The following SOD2 variants were observed in gnomAD, a reference collection of about 807,000 sequenced individuals.
SOD2 encodes superoxide dismutase [Mn], mitochondrial.
Under a neutral mutation model 27.0 loss-of-function variants are expected in SOD2, and 11 were observed. That is an observed-to-expected ratio of 0.41 (90% CI 0.26 to 0.67). The LOEUF (loss-of-function observed/expected upper bound fraction) is 0.67, where lower values mean the gene tolerates loss of function less well. Ranked by LOEUF, SOD2 falls within the 30% of genes least tolerant of loss-of-function variation. SOD2 has a pLI of 0.34. For missense variants in SOD2, 250 were observed against 274.5 expected (o/e 0.91, Z 0.63); for synonymous variants, 105 against 103.0 (o/e 1.02, Z -0.12).
intron 1 of SOD2, among the ~76,000 whole-genome samples, chr6:159,725,196 G>A (rs577105329): frequency 3.3e-5 from 5 of 152,206 alleles, no homozygotes; most frequent in African/African-American, 1.2e-4. Context: ...AAGCTCAGAG[G>A]GGCCAGTGGT....
intron 1 of SOD2, among the ~76,000 whole-genome samples, chr6:159,699,071 C>G (rs1337882445): frequency 6.6e-6 from 1 of 151,976 alleles, no homozygotes; most frequent in Admixed American, 6.6e-5. Flanking sequence ...GCTGCCACTC[C>G]CTCTCCCACA....
At chr6:159,751,298 A>ATTT (rs1392883296) in intron 1 of SOD2, among the ~76,000 whole-genome samples, 2 of 152,174 alleles carry the variant, frequency 1.3e-5, no homozygotes, top group African/African-American at 4.8e-5. Flanking sequence ...AATTTGTGAC[A>ATTT]TTTTTATATG....
intron 1 of SOD2, among the ~76,000 whole-genome samples, chr6:159,701,693 C>G (rs750223595): frequency 7.9e-5 from 12 of 152,114 alleles, no homozygotes; most frequent in Non-Finnish European, 1.3e-4. Flanking sequence ...ATGATCTCAT[C>G]CATGAGTCAT....
In SOD2 at chr6:159,681,786, G is replaced by A. The variant is rs1562415397; in HGVS notation, c.*707C>T. The A allele has an allele frequency of 1.3e-5, 2 of 152,006 alleles. No homozygotes were observed. The highest frequency in any genetic ancestry group is 4.1e-4 in the South Asian group (2 of 4,822). 9.4% of individuals were successfully genotyped at this position (152,006 alleles called of 1,614,324 possible). A position where few individuals can be genotyped will look rare whatever the true frequency, so the allele number is the denominator to read the frequency against. Reference sequence around the variant, plus strand: ...ACTCTAGCTTGTAGGTCATCATGGAGATTGGGTCTCAAGCATGAGCTGCCC... The same window carrying A: ...ACTCTAGCTTGTAGGTCATCATGGAAATTGGGTCTCAAGCATGAGCTGCCC... On this transcript the variant is annotated 3_prime_UTR_variant, in exon 5 of 5. Transcript: ENST00000538183.
chr6:159,728,856 A>G (rs1266196490), upstream of SOD2, among the ~76,000 whole-genome samples: 1 of 152,184 alleles, frequency 6.6e-6, no homozygotes, highest in Non-Finnish European at 1.5e-5. Flanking sequence ...ACATGGTTTA[A>G]AAGTTCAGTA....
At chr6:159,741,814 C>G in intron 1 of SOD2, 1 of 282,870 alleles carries the variant, frequency 3.5e-6, no homozygotes, top group Non-Finnish European at 6.7e-6. Context: ...GTAGTGAGAC[C>G]CCATCTCTAC....
intron 1 of SOD2, among the ~76,000 whole-genome samples, chr6:159,753,040 T>C (rs2114957383): frequency 6.6e-6 from 1 of 152,376 alleles, no homozygotes; most frequent in East Asian, 1.9e-4. Flanking sequence ...CTGATTTTCA[T>C]AAATATTTGT....
chr6:159,758,715 A>G lies in SOD2; in HGVS notation c.-336+2322T>C, dbSNP rs531596603. ...GCTAGCCCCTAGTGGTAAGGAGTAC[A>G]CTGCTGACCTTCATCCTATGGCAAT... On this transcript the variant is annotated intron_variant, in intron 1 of 7. Transcript: ENST00000546087. 5.3e-5 allele frequency among the ~76,000 whole-genome samples: 8 copies of G among 152,286 alleles called. No individual in the cohort carries two copies. The South Asian group carries it at 1.4e-3, about 28-fold the overall frequency.
chr6:159,743,445 C>A (rs994406234), intron 1 of SOD2, among the ~76,000 whole-genome samples: 2 of 152,152 alleles, frequency 1.3e-5, no homozygotes, highest in East Asian at 1.9e-4. Context: ...GTAGATGAAA[C>A]TATAAAAACA....
intron 1 of SOD2, among the ~76,000 whole-genome samples, chr6:159,711,876 C>T (rs1222040557): frequency 7.9e-6 from 1 of 126,272 alleles, no homozygotes; most frequent in Non-Finnish European, 1.7e-5. Context: ...AGTCACACTG[C>T]TCTGATCTCC....
chr6:159,692,400 G>A, intron 2 of SOD2: 4 of 1,381,452 alleles, frequency 2.9e-6, no homozygotes, highest in Non-Finnish European at 3.8e-6. Context: ...ACGGAATGTG[G>A]CTCACAACAG....
At chr6:159,747,166 C>T (rs757025994), upstream of SOD2, among the ~76,000 whole-genome samples, 2 of 152,136 alleles carry the variant, frequency 1.3e-5, no homozygotes, top group Non-Finnish European at 2.9e-5. Context: ...TGGGCCAGAT[C>T]TACTTTGAGT....
intron 1 of SOD2, among the ~76,000 whole-genome samples, chr6:159,751,017 C>T (rs1265110589): frequency 6.6e-6 from 1 of 152,224 alleles, no homozygotes; most frequent in Non-Finnish European, 1.5e-5. Flanking sequence ...AGAATGCACA[C>T]ATTTTAGAGT....
chr6:159,693,150 C>G lies in SOD2; in HGVS notation c.18G>C (p.Val6=). Residue 6 remains valine (V), a synonymous_variant, in exon 1 of 5, where the codon GTG becomes GTC. Coordinates refer to ENST00000538183, the MANE Select transcript of SOD2 (RefSeq NM_000636.4). ...CGGGTCCCCTTTCTTCTCACCCGCA[C>G]ACTGCCCGGCTCAACATGCTGCTAG... MLSRA[V]CGTSRQLAPV... The G allele has an allele frequency of 6.5e-7, 1 of 1,533,870 alleles. No individual in the cohort carries two copies.
At chr6:159,682,692 G>C in intron 4 of SOD2, 54 bp from the exon 5 acceptor site, 8 of 1,511,980 alleles carry the variant, frequency 5.3e-6, no homozygotes, top group Non-Finnish European at 7.1e-6. Context: ...CTAAAACATT[G>C]CATCTTCTCA....
At chr6:159,688,512 GGAAAT>G (rs5746112) in intron 2 of SOD2, among the ~76,000 whole-genome samples, 64,934 of 151,392 alleles carry the variant, frequency 0.43, 14,560 homozygotes, top group Admixed American at 0.5. Context: ...AGAGATTTTA[GGAAAT>G]GAAACACCAA....
chr6:159,755,723 GT>G (rs202118718), intron 1 of SOD2: 54 of 834,316 alleles, frequency 6.5e-5, no homozygotes, highest in Middle Eastern at 1.1e-3. Flanking sequence ...GTACGTTTTG[GT>G]TTTTTTTTGT....
chr6:159,750,771 T>C (rs1489584847), intron 1 of SOD2, among the ~76,000 whole-genome samples: 1 of 152,284 alleles, frequency 6.6e-6, no homozygotes, highest in Admixed American at 6.5e-5. Context: ...TTCTATAAAA[T>C]TGGCTGTAAG....
intron 1 of SOD2, chr6:159,760,220 A>C (rs1170364209): frequency 6.6e-6 from 1 of 152,236 alleles, no homozygotes; most frequent in Non-Finnish European, 1.5e-5. Flanking sequence ...AGATTACAGA[A>C]GAAACAGGCT....
Sources: allele counts gnomAD v4.1 joint callset (sites outside exome capture counted in the v4.1 genomes callset), GRCh38; gene constraint gnomAD v4.1.1; transcripts MANE v1.5; gene names NCBI Gene and HGNC (gene_info 2026-07-23, HGNC 2026-07-21).